BICD1: variants seen among roughly 807,000 people sequenced by gnomAD.
The protein encoded by BICD1 is BICD cargo adaptor 1, also known as protein bicaudal D homolog 1.
Under a neutral mutation model 92.5 loss-of-function variants are expected in BICD1, and 35 were observed. The ratio of observed to expected loss-of-function variants is 0.38; its 90% CI spans 0.29 to 0.50. The LOEUF (loss-of-function observed/expected upper bound fraction) is 0.50. Among genes scored for constraint, BICD1 ranks in the 20% least tolerant of loss-of-function variants. BICD1 has a pLI of 0.93. For missense variants in BICD1, 950 were observed against 1,189.8 expected, an observed-to-expected ratio of 0.80 and a Z score of 2.97; for synonymous variants, 429 against 465.1, an observed-to-expected ratio of 0.92 and a Z score of 1.00.
chr12:32,307,450 G>C (rs888061255), intron 4 of BICD1, among the ~76,000 whole-genome samples: 4 of 152,110 alleles, frequency 2.6e-5, no homozygotes, highest in African/African-American at 9.7e-5. Context: ...ATCACCTGGG[G>C]GCTTATTTAT....
intron 2 of BICD1, among the ~76,000 whole-genome samples, chr12:32,259,902 A>G (rs1004094673): frequency 6.6e-6 from 1 of 151,984 alleles, no homozygotes; most frequent in Non-Finnish European, 1.5e-5. Context: ...GCTGTTGTCA[A>G]CACATATATA....
intron 8 of BICD1, among the ~76,000 whole-genome samples, chr12:32,345,788 A>C (rs188875233): frequency 2.6e-5 from 4 of 152,382 alleles, no homozygotes; most frequent in Admixed American, 2.6e-4. Flanking sequence ...AGAACTATTC[A>C]ATAGAAATAT....
At chr12:32,215,991 A>G (rs986557501) in intron 1 of BICD1, among the ~76,000 whole-genome samples, 1 of 151,670 alleles carries the variant, frequency 6.6e-6, no homozygotes, top group Non-Finnish European at 1.5e-5. Flanking sequence ...ACATAAAGCA[A>G]GTAACAATGT....
chr12:32,279,966 C>T (rs1271561086), intron 2 of BICD1, among the ~76,000 whole-genome samples: 1 of 152,138 alleles, frequency 6.6e-6, no homozygotes, highest in Non-Finnish European at 1.5e-5. Context: ...GGCATGGTGG[C>T]ACATGCCTGT....
intron 1 of BICD1, among the ~76,000 whole-genome samples, chr12:32,111,827 T>C (rs904072834): frequency 4.6e-5 from 7 of 152,082 alleles, no homozygotes; most frequent in Non-Finnish European, 7.4e-5. Flanking sequence ...CAGGATGGTC[T>C]CGATGTTTTT....
At chr12:32,314,822 A>G (rs1948458816) in intron 4 of BICD1, among the ~76,000 whole-genome samples, 1 of 151,302 alleles carries the variant, frequency 6.6e-6, no homozygotes, top group South Asian at 2.1e-4. Context: ...TGCAGTGGCT[A>G]TTCATAGGCA....
chr12:32,118,091 A>ATTTTATTTTATTTTTTTTTTTTTT (rs1555126592), intron 1 of BICD1, among the ~76,000 whole-genome samples: 1 of 46,832 alleles, frequency 2.1e-5, no homozygotes, highest in African/African-American at 6.7e-5. Context: ...TATTTTATTT[A>ATTTTATTTTATTTTTTTTTTTTTT]TTTTTTTTGA....
In BICD1 at chr12:32,107,457, G is replaced by A. The variant is rs950071797; in HGVS notation, c.126G>A (p.Leu42=). 1.2e-6 allele frequency: 2 copies of A among 1,611,232 alleles called. No individual in the cohort carries two copies. The highest frequency in any genetic ancestry group is 2.7e-5 in the African/African-American group (2 of 74,852). The part of the protein sequence containing the change: ...IQAAEYGLVV[L]EEKLTLKQQY... ...CTGCCGAGTACGGGCTGGTGGTGCT[G>A]GAGGAGAAGCTGACCCTCAAACAGC... Residue 42 remains leucine (L), a synonymous_variant, in exon 1 of 10, where the codon CTG becomes CTA. Coordinates refer to ENST00000652176, the MANE Select transcript of BICD1 (RefSeq NM_001714.4).
At chr12:32,165,682 CAAAAAAA>C (rs35023796) in intron 1 of BICD1, among the ~76,000 whole-genome samples, 2 of 128,126 alleles carry the variant, frequency 1.6e-5, no homozygotes, top group Admixed American at 1.5e-4. Flanking sequence ...GACTCTGTCT[CAAAAAAA>C]AAAAAAAAAA....
At chr12:32,326,900 ATCAAATG>A (rs1397668636) in intron 4 of BICD1, among the ~76,000 whole-genome samples, 15 of 152,192 alleles carry the variant, frequency 9.9e-5, no homozygotes, top group Non-Finnish European at 5.9e-5. Flanking sequence ...GATAAAAACT[ATCAAATG>A]TAGTGCGTGT....
chr12:32,317,808 T>A (rs1049271726), intron 4 of BICD1, among the ~76,000 whole-genome samples: 2 of 152,082 alleles, frequency 1.3e-5, no homozygotes, highest in South Asian at 2.1e-4. Context: ...CTGAATGGTA[T>A]TGCCTAGGTT....
chr12:32,188,230 G>A (rs750535979), intron 1 of BICD1, among the ~76,000 whole-genome samples: 2 of 152,106 alleles, frequency 1.3e-5, no homozygotes, highest in South Asian at 2.1e-4. Flanking sequence ...GAGCCACTGC[G>A]CCTGGCCAAC....
chr12:32,347,379 C>A (rs1938672457), intron 8 of BICD1, among the ~76,000 whole-genome samples: 1 of 151,898 alleles, frequency 6.6e-6, no homozygotes, highest in Non-Finnish European at 1.5e-5. Context: ...GTGGCTCATG[C>A]CTGTAATCCC....
At chr12:32,299,284 A>C (rs892785772) in intron 3 of BICD1, among the ~76,000 whole-genome samples, 2 of 152,196 alleles carry the variant, frequency 1.3e-5, no homozygotes, top group East Asian at 3.9e-4. Flanking sequence ...ATCAAACACC[A>C]GTTTTTAAGC....
intron 4 of BICD1, among the ~76,000 whole-genome samples, chr12:32,309,268 G>A (rs1008035637): frequency 1.3e-5 from 2 of 152,256 alleles, no homozygotes; most frequent in African/African-American, 4.8e-5. Context: ...AGAGTACTGT[G>A]CACCTGAAGC....
chr12:32,341,736 T>A (rs1313401247), intron 8 of BICD1, among the ~76,000 whole-genome samples: 1 of 152,162 alleles, frequency 6.6e-6, no homozygotes, highest in African/African-American at 2.4e-5. Context: ...CCTAGTTAAA[T>A]GAATTACTAC....
At position 32,183,047 on chromosome 12, in the gene BICD1, G is replaced by A. The variant is rs558726791; in HGVS notation, c.214-33200G>A. Among the ~76,000 whole-genome samples, 4 of 151,250 alleles carry A rather than the reference G, an allele frequency of 2.6e-5. No individual in the cohort carries two copies. The South Asian group carries it at 8.3e-4, about 32-fold the overall frequency. On this transcript the variant is annotated intron_variant, in intron 1 of 9. Transcript: ENST00000652176. ...GCTGGAACTACAGGTGTGCACCAGTGCACTCAGCTCATTGTTTTATTTTTT... is the reference window on the plus strand; with the variant it reads ...GCTGGAACTACAGGTGTGCACCAGTACACTCAGCTCATTGTTTTATTTTTT...
intron 2 of BICD1, among the ~76,000 whole-genome samples, chr12:32,284,747 G>A (rs746988348): frequency 1.3e-5 from 2 of 152,096 alleles, no homozygotes; most frequent in Non-Finnish European, 2.9e-5. Context: ...AATTTCCTGC[G>A]GAATCTTTCT....
chr12:32,374,734 A>ATTTTTT (rs1179747608), intron 9 of BICD1, among the ~76,000 whole-genome samples: 262 of 79,850 alleles, frequency 3.3e-3, no homozygotes, highest in East Asian at 5.0e-3. Flanking sequence ...CGCCCGGCTA[A>ATTTTTT]TTTTTTTTTT....
Sources: gnomAD v4.1 joint callset for allele counts (sites outside exome capture counted in the v4.1 genomes callset) on GRCh38, gnomAD v4.1.1 for gene constraint, MANE v1.5 for transcripts, NCBI Gene and HGNC (gene_info 2026-07-23, HGNC 2026-07-21) for gene names.